CNPY4: variants seen among roughly 807,000 people sequenced by gnomAD.
The protein encoded by CNPY4 is canopy FGF signaling regulator 4.
In CNPY4, 33 loss-of-function variants were observed where a neutral mutation model predicts 30.1. That is an observed-to-expected ratio of 1.10 (90% CI 0.83 to 1.46). The LOEUF is 1.46. CNPY4 is among the 40% of genes most tolerant of loss of function. CNPY4 has a pLI of 0.00. For missense variants in CNPY4, 324 were observed against 302.6 expected, an observed-to-expected ratio of 1.07 and a Z score of -0.52; for synonymous variants, 109 against 110.1, an observed-to-expected ratio of 0.99 and a Z score of 0.06.
intron 1 of CNPY4, chr7:100,121,116 A>ATATACATATATTT (rs1584585316): frequency 2.1e-4 from 11 of 52,798 alleles, no homozygotes; most frequent in Non-Finnish European, 2.9e-4. Flanking sequence ...ATATATATAT[A>ATATACATATATTT]TTTTTTTTTT....
At position 100,122,338 on chromosome 7, in the gene CNPY4, G is replaced by T; in HGVS notation, c.198G>T (p.Gln66His). 1 of 1,614,182 alleles carries T rather than the reference G, an allele frequency of 6.2e-7. No homozygotes were observed. Among genetic ancestry groups the T allele is most frequent in the Non-Finnish European group, 8.5e-7 (1 of 1,180,040 alleles). Residue 66 changes from glutamine to histidine, a missense_variant, in exon 2 of 6, where the codon CAG (glutamine) becomes CAT (histidine). By Grantham distance (24) the Gln-to-His change is conservative. Coordinates refer to ENST00000262932, the MANE Select transcript of CNPY4 (RefSeq NM_152755.2). Reference protein sequence around the residue: ...GRSREVLELGQVLDTGKRKRH... With the variant: ...GRSREVLELGHVLDTGKRKRH... ...CTCGAGAGGTGCTGGAGCTGGGGCA[G>T]GTGCTGGATACAGGCAAGAGGAAGA...
At chr7:100,123,444 G>C (rs747224914) in intron 4 of CNPY4, among the ~76,000 whole-genome samples, 29 of 152,140 alleles carry the variant, frequency 1.9e-4, no homozygotes, top group Non-Finnish European at 4.0e-4. Flanking sequence ...TGAGGGAGAA[G>C]GACTGTTTGA....
At position 100,125,046 on chromosome 7, in the gene CNPY4, AAC is replaced by A. The variant is rs778216538; in HGVS notation, c.*160_*161del. 1 of 827,656 alleles carries A rather than the reference AAC, an allele frequency of 1.2e-6. No individual in the cohort carries two copies. The highest frequency in any genetic ancestry group is 1.9e-6 in the Non-Finnish European group (1 of 539,568). 51.3% of individuals were successfully genotyped at this position (827,656 alleles called of 1,614,324 possible). ...CTAACCTCAGGCAAGATCCTGGTGAAACAGCATGACATGGCTTCTGGGGTGGA... is the reference window on the plus strand; with the variant it reads ...CTAACCTCAGGCAAGATCCTGGTGAAAGCATGACATGGCTTCTGGGGTGGA... On this transcript the variant is annotated 3_prime_UTR_variant, in exon 6 of 6. Coordinates refer to ENST00000262932, the MANE Select transcript of CNPY4 (RefSeq NM_152755.2).
At chr7:100,121,591 C>T (rs967494574) in intron 1 of CNPY4, among the ~76,000 whole-genome samples, 6 of 151,776 alleles carry the variant, frequency 4.0e-5, no homozygotes, top group East Asian at 3.9e-4. Flanking sequence ...ATTACAGGTG[C>T]GCACCACCAC....
rs777001428 is a variant in CNPY4, at chr7:100,122,284, A to G, written c.144A>G (p.Leu48=). Residue 48 remains leucine, a synonymous_variant, in exon 2 of 6, where the codon CTA becomes CTG. Coordinates refer to ENST00000262932, the MANE Select transcript of CNPY4 (RefSeq NM_152755.2). Reference sequence around the variant, plus strand: ...TGTGTAAGCTGCTGAGCACAGAGCTACAGGCGGAACTGAGTCGCACCGGTC... The same window carrying G: ...TGTGTAAGCTGCTGAGCACAGAGCTGCAGGCGGAACTGAGTCGCACCGGTC... ...CEVCKLLSTE[L]QAELSRTGRS... is the part of the protein sequence containing the mutation. 5 of 1,614,084 alleles carry G rather than the reference A, an allele frequency of 3.1e-6. No individual in the cohort carries two copies. Among genetic ancestry groups the G allele is most frequent in the East Asian group, 2.2e-5 (1 of 44,876 alleles).
intron 1 of CNPY4, among the ~76,000 whole-genome samples, chr7:100,120,811 C>T (rs981372651): frequency 6.6e-6 from 1 of 152,106 alleles, no homozygotes; most frequent in African/African-American, 2.4e-5. Context: ...GTGGGAGGAT[C>T]ACTTGAGCCC....
At chr7:100,122,048 TGAA>T in intron 1 of CNPY4, 1 of 309,978 alleles carries the variant, frequency 3.2e-6, no homozygotes, top group South Asian at 2.4e-5. Flanking sequence ...AGAGTCCGTC[TGAA>T]AAAAAAAAAA....
chr7:100,122,960 A>T, intron 4 of CNPY4, 54 bp downstream of exon 4: 1 of 1,565,200 alleles, frequency 6.4e-7, no homozygotes, highest in Non-Finnish European at 8.7e-7. Flanking sequence ...CTGAGAGGGG[A>T]GCTAGGTTCT....
At chr7:100,123,137 T>C (rs904144175) in intron 4 of CNPY4, among the ~76,000 whole-genome samples, 2 of 151,932 alleles carry the variant, frequency 1.3e-5, no homozygotes, top group Non-Finnish European at 2.9e-5. Context: ...AGGTCATAAG[T>C]TCGAGACCAG....
chr7:100,121,651 G>C (rs1798070811), intron 1 of CNPY4, among the ~76,000 whole-genome samples: 1 of 151,112 alleles, frequency 6.6e-6, no homozygotes, highest in Non-Finnish European at 1.5e-5. Context: ...CACCATGTGG[G>C]CCAGGCTGGT....
At position 100,122,484 on chromosome 7, in the gene CNPY4, G is replaced by T. The variant is rs1272252680; in HGVS notation, c.249G>T (p.Glu83Asp). The T allele has an allele frequency of 1.2e-6, 2 of 1,614,068 alleles. No individual in the cohort carries two copies. Among genetic ancestry groups the T allele is most frequent in the Admixed American group, 3.3e-5 (2 of 60,002 alleles). The change falls in exon 3 of 6, where the codon GAG becomes GAT. Residue 83 changes from glutamate to aspartate, a missense_variant. Physicochemically the swap from Glu to Asp is conservative, Grantham distance 45 (BLOSUM62 2). Coordinates refer to ENST00000262932, the MANE Select transcript of CNPY4 (RefSeq NM_152755.2). The part of the protein sequence containing the change: ...RKRHVPYSVS[E>D]TRLEEALENL... ...TTTGTTTCCTCTCTTTCCACAGAGA[G>T]ACAAGGCTGGAAGAGGCCTTAGAGA...
chr7:100,121,116 A>ATATT (rs1584585316), intron 1 of CNPY4: 1 of 52,776 alleles, frequency 1.9e-5, no homozygotes, highest in East Asian at 4.9e-4. Flanking sequence ...ATATATATAT[A>ATATT]TTTTTTTTTT....
intron 4 of CNPY4, among the ~76,000 whole-genome samples, chr7:100,123,617 T>C (rs1584589018): frequency 6.6e-6 from 1 of 151,314 alleles, no homozygotes; most frequent in African/African-American, 2.4e-5. Flanking sequence ...GCCTCCCGGG[T>C]TCAAGCCATT....
intron 4 of CNPY4, 125 bp downstream of exon 4, chr7:100,123,031 G>C: frequency 9.2e-7 from 1 of 1,084,258 alleles, no homozygotes; most frequent in Non-Finnish European, 1.3e-6. Context: ...AGTGAGGACT[G>C]TGCCATTGAT....
In CNPY4 at chr7:100,122,827, A is replaced by C. The variant is rs1798110948; in HGVS notation, c.386A>C (p.Lys129Thr). Residue 129 changes from lysine to threonine, a missense_variant, in exon 4 of 6, where the codon AAG becomes ACG. Coordinates refer to ENST00000262932, the MANE Select transcript of CNPY4 (RefSeq NM_152755.2). ...GCAACACTGAAAGGCCTAGTGCAGAAGGGGGTGAAGGTGGATCTGGGGATC... is the reference window on the plus strand; with the variant it reads ...GCAACACTGAAAGGCCTAGTGCAGACGGGGGTGAAGGTGGATCTGGGGATC... Reference protein sequence around the residue: ...TMATLKGLVQKGVKVDLGIPL... With the variant: ...TMATLKGLVQTGVKVDLGIPL... 2 of 1,613,836 alleles carry C rather than the reference A, an allele frequency of 1.2e-6. No individual in the cohort carries two copies. The highest frequency in any genetic ancestry group is 1.7e-6 in the Non-Finnish European group (2 of 1,179,986).
chr7:100,120,607 G>T (rs1355197382), intron 1 of CNPY4, among the ~76,000 whole-genome samples: 1 of 152,096 alleles, frequency 6.6e-6, no homozygotes, highest in Non-Finnish European at 1.5e-5. Context: ...TCATGACTTG[G>T]TCCTCATCTC....
rs1481993037 is a variant in CNPY4 at position 100,125,108 on chromosome 7, C to G, written c.*220C>G. ...TGGAGGTCCTGCTCCTAGAGATGAA[C>G]TCTATCCAGCCCCTTAATTGGCAGG... On this transcript the variant is annotated 3_prime_UTR_variant, in exon 6 of 6. Transcript: ENST00000262932. 5 of 535,798 alleles carry G rather than the reference C, an allele frequency of 9.3e-6. No individual in the cohort carries two copies. Among genetic ancestry groups the G allele is most frequent in the African/African-American group, 5.7e-5 (3 of 52,788 alleles). 33.2% of individuals were successfully genotyped at this position (535,798 alleles called of 1,614,324 possible). A position where few individuals can be genotyped will look rare whatever the true frequency, so the allele number is the denominator to read the frequency against.
In CNPY4 at chr7:100,119,642, G is replaced by T; in HGVS notation, c.-103G>T. 6.2e-7 allele frequency: 1 copy of T among 1,603,392 alleles called. No individual in the cohort carries two copies. The highest frequency in any genetic ancestry group is 8.5e-7 in the Non-Finnish European group (1 of 1,174,636). On this transcript the variant is annotated 5_prime_UTR_variant, in exon 1 of 6. Coordinates refer to ENST00000262932, the MANE Select transcript of CNPY4 (RefSeq NM_152755.2). ...CCTGCGCATGCGCCGACCTTCCTCG[G>T]CTGGATTTAAGGTTGCCGCTAGCCG...
At chr7:100,119,932 G>A (rs1481277037) in intron 1 of CNPY4, 70 bp downstream of exon 1, 13 of 1,422,880 alleles carry the variant, frequency 9.1e-6, no homozygotes, top group Middle Eastern at 2.3e-4. Context: ...GGACATCCTA[G>A]CCTGTATTGG....
Sources: allele counts gnomAD v4.1 joint callset (sites outside exome capture counted in the v4.1 genomes callset), GRCh38; gene constraint gnomAD v4.1.1; transcripts MANE v1.5; gene names NCBI Gene and HGNC (gene_info 2026-07-23, HGNC 2026-07-21).